The following PLCG2 variants were observed in gnomAD, a reference collection of about 807,000 sequenced individuals.
PLCG2 encodes 1-phosphatidylinositol 4,5-bisphosphate phosphodiesterase gamma-2.
Under a neutral mutation model 175.6 loss-of-function variants are expected in PLCG2, and 69 were observed. The observed-to-expected ratio is 0.39, with a 90% CI of 0.32 to 0.48. The LOEUF is 0.48. Among genes scored for constraint, PLCG2 ranks in the 20% least tolerant of loss-of-function variants. PLCG2 has a pLI of 0.91. For missense variants in PLCG2, 1,798 were observed against 1,650.9 expected (o/e 1.09, Z -1.54); for synonymous variants, 827 against 624.0 (o/e 1.33, Z -4.85).
upstream of PLCG2, chr16:81,779,108 C>G (rs928378732): frequency 6.6e-6 from 1 of 152,296 alleles, no homozygotes; most frequent in Non-Finnish European, 1.5e-5. Flanking sequence ...CTTTGGCACG[C>G]AGAGGCGGGG....
rs34065286 is a variant in PLCG2, at chr16:81,881,246, GT to G, written c.692+304del. Among the ~76,000 whole-genome samples the G allele has an allele frequency of 4.9e-4, 74 of 150,184 alleles. 1 individual carries two copies. In the East Asian group the frequency reaches 9.9e-3, roughly 20 times the overall value. ...CCTCATGAGATGTGACAGGTTAATA[GT>G]TTTTTTTTTTAATTACAAAAACTAA... On this transcript the variant is annotated intron_variant, in intron 8 of 32. Transcript: ENST00000564138.
At chr16:81,775,892 T>G (rs139209043), upstream of PLCG2, among the ~76,000 whole-genome samples, 19 of 152,026 alleles carry the variant, frequency 1.2e-4, no homozygotes, top group Non-Finnish European at 2.6e-4. Context: ...CCTGCCTGAA[T>G]GCCTCTTATT....
intron 2 of PLCG2, among the ~76,000 whole-genome samples, chr16:81,764,780 T>A (rs969927189): frequency 1.3e-5 from 2 of 152,220 alleles, no homozygotes; most frequent in African/African-American, 2.4e-5. Context: ...GTGGTCATAC[T>A]GCATTAGGGT....
chr16:81,825,834 C>T (rs1389205080), intron 2 of PLCG2, among the ~76,000 whole-genome samples: 8 of 152,092 alleles, frequency 5.3e-5, no homozygotes, highest in African/African-American at 1.9e-4. Context: ...AGGTCTTGTC[C>T]TTCAGGGGTT....
At chr16:81,783,296 T>A (rs181870215) in intron 1 of PLCG2, among the ~76,000 whole-genome samples, 115 of 152,328 alleles carry the variant, frequency 7.5e-4, no homozygotes, top group African/African-American at 1.9e-3. Flanking sequence ...GCTACTTTTT[T>A]AAAATTTTAT....
At chr16:81,788,558 C>G (rs1451187496) in intron 2 of PLCG2, among the ~76,000 whole-genome samples, 1 of 152,130 alleles carries the variant, frequency 6.6e-6, no homozygotes, top group Non-Finnish European at 1.5e-5. Context: ...AGAGGTTGCC[C>G]CCACTGTCTG....
At chr16:81,898,477 A>G (rs182236081) in intron 13 of PLCG2, 4 of 152,190 alleles carry the variant, frequency 2.6e-5, no homozygotes, top group Non-Finnish European at 5.9e-5. Flanking sequence ...CACGCTTCCC[A>G]GGAGTGATGA....
At chr16:81,787,756 G>C (rs72834736) in intron 2 of PLCG2, among the ~76,000 whole-genome samples, 16,230 of 151,806 alleles carry the variant, frequency 0.11, 1,053 homozygotes, top group South Asian at 0.28. Flanking sequence ...CCAGACGTAA[G>C]CAACCGTTAA....
At chr16:81,877,815 G>C (rs1907878018) in intron 7 of PLCG2, among the ~76,000 whole-genome samples, 1 of 150,416 alleles carries the variant, frequency 6.6e-6, no homozygotes, top group African/African-American at 2.5e-5. Flanking sequence ...ATCGCTCCTT[G>C]GCTTGTAGAT....
chr16:81,826,288 T>G (rs540853766), intron 2 of PLCG2, among the ~76,000 whole-genome samples: 1 of 152,224 alleles, frequency 6.6e-6, no homozygotes, highest in Admixed American at 6.5e-5. Flanking sequence ...ACGGCAAGGC[T>G]CCAGGATCCT....
chr16:81,815,304 C>T (rs1323490250), intron 2 of PLCG2, among the ~76,000 whole-genome samples: 1 of 152,168 alleles, frequency 6.6e-6, no homozygotes, highest in African/African-American at 2.4e-5. Context: ...CCAGTCCTCA[C>T]CAAGGGGTCT....
Position 81,900,639 on chromosome 16 carries a change from G to A in PLCG2, c.1221G>A (p.Glu407=), listed in dbSNP as rs775409619. The change falls in exon 14 of 33, where the codon GAG becomes GAA. Residue 407 remains glutamate (E), a synonymous_variant. Coordinates refer to ENST00000564138, the MANE Select transcript of PLCG2 (RefSeq NM_002661.5). The part of the protein sequence containing the change: ...SSFPVILSIE[E]HCSVEQQRHM... ...TCCCAGTGATCCTGTCCATCGAGGA[G>A]CACTGCAGCGTGGAGCAACAGCGTC... 2.5e-6 allele frequency: 4 copies of A among 1,606,762 alleles called. No individual in the cohort carries two copies. The highest frequency in any genetic ancestry group is 2.2e-5 in the South Asian group (2 of 90,884).
At chr16:81,953,350 G>A (rs1911443048) in intron 31 of PLCG2, among the ~76,000 whole-genome samples, 1 of 152,192 alleles carries the variant, frequency 6.6e-6, no homozygotes, top group African/African-American at 2.4e-5. Context: ...GGTTGTGCGA[G>A]ATGTTAACAC....
chr16:81,761,829 A>ATTTACTTTTTTT (rs909875950), intron 2 of PLCG2, among the ~76,000 whole-genome samples: 8 of 130,228 alleles, frequency 6.1e-5, no homozygotes, highest in African/African-American at 2.3e-4. Context: ...CACCCTGCAC[A>ATTTACTTTTTTT]TTTTTTTTTT....
chr16:81,744,910 G>T (rs1308215504), intron 1 of PLCG2, among the ~76,000 whole-genome samples: 2 of 152,146 alleles, frequency 1.3e-5, no homozygotes, highest in African/African-American at 2.4e-5. Context: ...TGAAAAAGGG[G>T]GCCAACAGGC....
At chr16:81,955,120 C>T (rs903536694) in intron 31 of PLCG2, among the ~76,000 whole-genome samples, 1 of 152,228 alleles carries the variant, frequency 6.6e-6, no homozygotes, top group Non-Finnish European at 1.5e-5. Flanking sequence ...TCACCAAGGA[C>T]AGCCCATTTT....
At chr16:81,847,455 C>A (rs1311765648) in intron 2 of PLCG2, among the ~76,000 whole-genome samples, 1 of 152,014 alleles carries the variant, frequency 6.6e-6, no homozygotes, top group Non-Finnish European at 1.5e-5. Flanking sequence ...AAAGTTCCAA[C>A]CCTCTAATCA....
At chr16:81,799,674 G>T (rs1911634096) in intron 2 of PLCG2, among the ~76,000 whole-genome samples, 1 of 148,748 alleles carries the variant, frequency 6.7e-6, no homozygotes, top group Non-Finnish European at 1.5e-5. Flanking sequence ...CTCACTGCAA[G>T]CTCCGCCTCC....
At chr16:81,874,728 T>C (rs1476962729) in intron 7 of PLCG2, among the ~76,000 whole-genome samples, 1 of 152,194 alleles carries the variant, frequency 6.6e-6, no homozygotes, top group Admixed American at 6.5e-5. Context: ...GTGAGCTTGC[T>C]AGTTCCTCTT....
Sources: allele counts gnomAD v4.1 joint callset (sites outside exome capture counted in the v4.1 genomes callset), GRCh38; gene constraint gnomAD v4.1.1; transcripts MANE v1.5; gene names NCBI Gene and HGNC (gene_info 2026-07-23, HGNC 2026-07-21).